The following VAC14 variants were observed in gnomAD, a reference collection of about 807,000 sequenced individuals.
VAC14 encodes the protein VAC14 component of PIKFYVE complex.
A neutral mutation model predicts 85.3 loss-of-function variants in VAC14; 47 were observed. The ratio of observed to expected loss-of-function variants is 0.55; its 90% CI spans 0.44 to 0.70. The LOEUF (loss-of-function observed/expected upper bound fraction) is 0.70, where lower values mean the gene tolerates loss of function less well. Ranked by LOEUF, VAC14 falls within the 30% of genes least tolerant of loss-of-function variation. The pLI is 0.00. For synonymous variants in VAC14, 447 were observed against 430.5 expected, an observed-to-expected ratio of 1.04 and a Z score of -0.47; for missense variants, 861 against 1,004.3, an observed-to-expected ratio of 0.86 and a Z score of 1.93.
chr16:70,713,025 G>A (rs1293698069), intron 14 of VAC14, among the ~76,000 whole-genome samples: 1 of 152,168 alleles, frequency 6.6e-6, no homozygotes, highest in Non-Finnish European at 1.5e-5. Context: ...AGGATCAACA[G>A]CCAGGAAAAG....
At chr16:70,725,699 C>T (rs1484083328) in intron 14 of VAC14, among the ~76,000 whole-genome samples, 1 of 152,214 alleles carries the variant, frequency 6.6e-6, no homozygotes, top group African/African-American at 2.4e-5. Context: ...GAACCGGAAG[C>T]CTTGCTGCTG....
chr16:70,791,989 T>C (rs986717798), intron 1 of VAC14, among the ~76,000 whole-genome samples: 1 of 152,148 alleles, frequency 6.6e-6, no homozygotes, highest in Non-Finnish European at 1.5e-5. Flanking sequence ...AAGGGCACCA[T>C]TACTAGGACC....
chr16:70,762,493 G>T lies in VAC14; in HGVS notation c.1371+47C>A. The T allele has an allele frequency of 6.4e-7, 1 of 1,574,456 alleles. No homozygotes were observed. Among genetic ancestry groups the T allele is most frequent in the East Asian group, 2.2e-5 (1 of 44,572 alleles). ...ATATCTCAGTCACTAACAAGGGGAG[G>T]CAGGGCAGCCGATGTTCCATAAGTA... On this transcript the variant is annotated intron_variant, in intron 12 of 18. Transcript: ENST00000261776. The surrounding 1 kb of genome is among the most constrained non-coding windows in gnomAD (Gnocchi z 4.1).
At chr16:70,753,011 G>GGGGTGTGTGT (rs1486481327) in intron 12 of VAC14, among the ~76,000 whole-genome samples, 1 of 142,982 alleles carries the variant, frequency 7.0e-6, no homozygotes, top group Non-Finnish European at 1.5e-5. Context: ...AGGAGGAGGG[G>GGGGTGTGTGT]GTGTGTGTGT....
In VAC14 at chr16:70,695,569, C is replaced by T; in HGVS notation, c.2010G>A (p.Gln670=). The change falls in exon 17 of 19, where the codon CAG becomes CAA. Residue 670 remains glutamine (Q), a synonymous_variant. Transcript: ENST00000261776. The stretch of plus-strand genomic sequence containing the variant: ...ATGTGAAGATGGGGCACTCAATCAG[C>T]TGCACCAGCTTGTCCACCTCTGCGA... The part of the protein sequence containing the change: ...DFLAEVDKLV[Q]LIECPIFTYL... 1.2e-6 allele frequency: 2 copies of T among 1,613,964 alleles called. No homozygotes were observed. The highest frequency in any genetic ancestry group is 1.7e-6 in the Non-Finnish European group (2 of 1,179,978).
chr16:70,693,319 C>T (rs1000684722), intron 17 of VAC14, among the ~76,000 whole-genome samples: 1 of 152,246 alleles, frequency 6.6e-6, no homozygotes, highest in African/African-American at 2.4e-5. Flanking sequence ...TTCCCGCCCC[C>T]CGCTCAGCTG....
At position 70,698,697 on chromosome 16, in the gene VAC14, G is replaced by T. The variant is rs137926429; in HGVS notation, c.1776C>A (p.Ile592=). 62 of 1,614,218 alleles carry T rather than the reference G, an allele frequency of 3.8e-5. No homozygotes were observed. The East Asian group carries it at 1.2e-3, about 30-fold the overall frequency. Residue 592 remains isoleucine (I), a synonymous_variant, in exon 15 of 19, where the codon ATC becomes ATA. Coordinates refer to ENST00000261776, the MANE Select transcript of VAC14 (RefSeq NM_018052.5). ...GGAAGAGCTCTGTGGAGGTCAGCAGGATGGTGTTGAGGGCGTGGACCATGG... is the reference window on the plus strand; with the variant it reads ...GGAAGAGCTCTGTGGAGGTCAGCAGTATGGTGTTGAGGGCGTGGACCATGG... ...ASTMVHALNT[I]LLTSTELFQL...
At chr16:70,787,055 G>A (rs544225852) in intron 1 of VAC14, among the ~76,000 whole-genome samples, 43 of 152,334 alleles carry the variant, frequency 2.8e-4, no homozygotes, top group African/African-American at 9.4e-4. Flanking sequence ...GGGCTCCAGC[G>A]TGTGGAAGGA....
chr16:70,720,960 T>G, intron 14 of VAC14, among the ~76,000 whole-genome samples: 1 of 152,212 alleles, frequency 6.6e-6, no homozygotes, highest in Non-Finnish European at 1.5e-5. Flanking sequence ...GAGCGCTGAC[T>G]TGAGTGCACT....
At chr16:70,701,494 T>C (rs1201684863) in intron 14 of VAC14, among the ~76,000 whole-genome samples, 5 of 152,144 alleles carry the variant, frequency 3.3e-5, no homozygotes, top group African/African-American at 7.2e-5. Context: ...ATGGGGGCCT[T>C]ACCCTGGGAG....
At chr16:70,691,433 G>A (rs1416436608) in intron 18 of VAC14, 12 of 985,344 alleles carry the variant, frequency 1.2e-5, no homozygotes, top group African/African-American at 1.7e-5. Flanking sequence ...GGCAAAGGCT[G>A]GGCCAGCAAG....
intron 9 of VAC14, chr16:70,778,820 T>A (rs1473337499): frequency 6.6e-6 from 1 of 152,236 alleles, no homozygotes; most frequent in Non-Finnish European, 1.5e-5. Context: ...TCTTTGCATT[T>A]TTCTCTACTT....
intron 14 of VAC14, among the ~76,000 whole-genome samples, chr16:70,719,378 T>C (rs982762132): frequency 6.6e-6 from 1 of 152,158 alleles, no homozygotes; most frequent in Non-Finnish European, 1.5e-5. Flanking sequence ...ATTGATTACC[T>C]GGACTAGATT....
At chr16:70,767,639 T>C (rs1317675053) in intron 10 of VAC14, among the ~76,000 whole-genome samples, 1 of 152,226 alleles carries the variant, frequency 6.6e-6, no homozygotes, top group East Asian at 1.9e-4. Context: ...ACTCTCCAAC[T>C]GCAACTAATA....
At chr16:70,711,011 C>T (rs1023866806) in intron 14 of VAC14, among the ~76,000 whole-genome samples, 7 of 152,254 alleles carry the variant, frequency 4.6e-5, no homozygotes, top group African/African-American at 1.7e-4. Context: ...GGGCGCCATG[C>T]GCATGGCTTC....
At chr16:70,709,763 T>C (rs1023168538) in intron 14 of VAC14, among the ~76,000 whole-genome samples, 6 of 152,180 alleles carry the variant, frequency 3.9e-5, no homozygotes, top group African/African-American at 1.4e-4. Flanking sequence ...AGGTCCAGGC[T>C]GGGGAGATTT....
intron 12 of VAC14, among the ~76,000 whole-genome samples, chr16:70,759,718 C>G (rs1263117517): frequency 2.0e-5 from 3 of 152,184 alleles, no homozygotes. Flanking sequence ...ACTTCTGGAA[C>G]AAGACCACAA....
intron 12 of VAC14, among the ~76,000 whole-genome samples, chr16:70,761,668 C>G (rs2032398387): frequency 6.6e-6 from 1 of 152,220 alleles, no homozygotes; most frequent in Non-Finnish European, 1.5e-5. Flanking sequence ...CCCAGGCCAG[C>G]CTCTGTACTC....
chr16:70,693,065 G>A, intron 17 of VAC14, 94 bp from the exon 18 acceptor site: 1 of 1,466,848 alleles, frequency 6.8e-7, no homozygotes, highest in East Asian at 2.4e-5. Flanking sequence ...AGGACCACCT[G>A]GGACTTGGTG....
Sources: allele counts gnomAD v4.1 joint callset (sites outside exome capture counted in the v4.1 genomes callset), GRCh38; gene constraint gnomAD v4.1.1; non-coding constraint Gnocchi (gnomAD v3.1); transcripts MANE v1.5; gene names NCBI Gene and HGNC (gene_info 2026-07-23, HGNC 2026-07-21).